MYH7B: variants seen among roughly 807,000 people sequenced by gnomAD.
The protein encoded by MYH7B is myosin-7B.
Under a neutral mutation model 234.5 loss-of-function variants are expected in MYH7B, and 205 were observed. The observed-to-expected ratio is 0.87, with a 90% CI of 0.78 to 0.98. The LOEUF (loss-of-function observed/expected upper bound fraction) is 0.98, where lower values mean the gene tolerates loss of function less well. Among genes scored for constraint, MYH7B ranks in the 50% least tolerant of loss-of-function variants. The pLI is 0.00. For synonymous variants in MYH7B, 1,193 were observed against 1,105.0 expected (o/e 1.08, Z -1.58); for missense variants, 2,652 against 2,633.4 (o/e 1.01, Z -0.15).
intron 28 of MYH7B, 35 bp from the exon 29 acceptor site, chr20:34,996,311 A>G: frequency 6.4e-7 from 1 of 1,552,102 alleles, no homozygotes; most frequent in Non-Finnish European, 8.7e-7. Flanking sequence ...AGTGCGGGGA[A>G]GGGCGTCCCC....
intron 32 of MYH7B, among the ~76,000 whole-genome samples, 176 bp from the exon 33 acceptor site, chr20:34,998,119 G>A (rs532706132): frequency 6.6e-6 from 1 of 152,296 alleles, no homozygotes; most frequent in African/African-American, 2.4e-5. Context: ...TCTGACACCT[G>A]TTAAGCCCAG....
intron 21 of MYH7B, 22 bp downstream of exon 21, chr20:34,990,168 C>G: frequency 6.2e-7 from 1 of 1,614,120 alleles, no homozygotes; most frequent in Non-Finnish European, 8.5e-7. Context: ...GGGACAAGAT[C>G]TCCACTCTGA....
intron 5 of MYH7B, among the ~76,000 whole-genome samples, chr20:34,978,990 AG>A (rs1480530765): frequency 2.6e-5 from 4 of 152,142 alleles, no homozygotes; most frequent in African/African-American, 9.7e-5. Flanking sequence ...TCAGTGAAAT[AG>A]GGAAGGCAGG....
chr20:34,964,516 A>G (rs1220215946), intron 2 of MYH7B, among the ~76,000 whole-genome samples: 1 of 152,174 alleles, frequency 6.6e-6, no homozygotes, highest in Non-Finnish European at 1.5e-5. Flanking sequence ...TGTCACCTTG[A>G]AACTAGTGAT....
intron 2 of MYH7B, among the ~76,000 whole-genome samples, chr20:34,960,398 C>G (rs1442944040): frequency 1.3e-5 from 2 of 152,004 alleles, no homozygotes; most frequent in East Asian, 1.9e-4. Flanking sequence ...ACCACGCCCG[C>G]CTAATTTTTT....
intron 15 of MYH7B, 32 bp downstream of exon 15, chr20:34,987,021 G>A: frequency 6.2e-7 from 1 of 1,610,826 alleles, no homozygotes; most frequent in African/African-American, 1.3e-5. Context: ...GAGCTGTGTG[G>A]ACGCCTGTGG....
chr20:34,986,204 G>C lies in MYH7B; in HGVS notation c.904+6G>C. 1 of 1,584,144 alleles carries C rather than the reference G, an allele frequency of 6.3e-7. No individual in the cohort carries two copies. Among genetic ancestry groups the C allele is most frequent in the Non-Finnish European group, 8.6e-7 (1 of 1,163,542 alleles). ...GAGGAAGCCAGAGCTGCAGGGTGAG[G>C]GGCAGTACGATGAAGGGGGTGGGAG... On this transcript the variant is annotated splice_donor_region_variant and intron_variant, in intron 14 of 44. Coordinates refer to ENST00000262873, the Ensembl canonical transcript of MYH7B.
chr20:34,993,721 C>G (rs2082201088), intron 26 of MYH7B, among the ~76,000 whole-genome samples: 1 of 152,230 alleles, frequency 6.6e-6, no homozygotes, highest in South Asian at 2.1e-4. Flanking sequence ...CAGTGTCTTC[C>G]AAGACTCTTG....
exon 45 of MYH7B, chr20:35,002,323 A>G: frequency 1.0e-6 from 1 of 974,332 alleles, no homozygotes; most frequent in East Asian, 2.7e-5. Context: ...TAAACACCAC[A>G]GCCAGTTTCC....
intron 2 of MYH7B, among the ~76,000 whole-genome samples, chr20:34,966,950 G>T (rs1034146315): frequency 6.6e-6 from 1 of 151,960 alleles, no homozygotes; most frequent in African/African-American, 2.4e-5. Context: ...AAAAAGGGAG[G>T]CTGAGCACGG....
intron 11 of MYH7B, 59 bp from the exon 12 acceptor site, chr20:34,984,795 C>A (rs2081990647): frequency 1.9e-6 from 3 of 1,595,906 alleles, no homozygotes; most frequent in Non-Finnish European, 2.6e-6. Context: ...ACGGGTGGCT[C>A]TGGCCTCCCG....
intron 35 of MYH7B, 65 bp downstream of exon 35, chr20:34,998,980 A>G: frequency 6.3e-7 from 1 of 1,583,520 alleles, no homozygotes; most frequent in Non-Finnish European, 8.6e-7. Context: ...AGCCCCGCTG[A>G]GGGTGGGTGA....
chr20:34,997,782 TC>T (rs1344736964), intron 32 of MYH7B, 142 bp downstream of exon 32: 13 of 1,062,890 alleles, frequency 1.2e-5, no homozygotes, highest in African/African-American at 1.6e-5. Context: ...AACCCTCATT[TC>T]TCAGCCTCCT....
intron 39 of MYH7B, 33 bp downstream of exon 39, chr20:35,000,722 T>A: frequency 6.2e-7 from 1 of 1,604,698 alleles, no homozygotes; most frequent in East Asian, 2.2e-5. Context: ...ACAGAGCAGG[T>A]GCAGGCCTGC....
At position 35,000,904 on chromosome 20, in the gene MYH7B, G is replaced by GA. The variant is rs1353041199; in HGVS notation, c.5304+11_5304+12insA. On this transcript the variant is annotated intron_variant, in intron 40 of 44. Transcript: ENST00000262873. ...AAGGCCATCACTGATGTGAGGCTGGGCAAGGGCTGTGGGGAGCCTGGGACA... is the reference window on the plus strand; with the variant it reads ...AAGGCCATCACTGATGTGAGGCTGGGACAAGGGCTGTGGGGAGCCTGGGACA... 3 of 1,064,094 alleles carry GA rather than the reference G, an allele frequency of 2.8e-6. No individual in the cohort carries two copies. Among genetic ancestry groups the GA allele is most frequent in the Non-Finnish European group, 3.8e-6 (3 of 783,208 alleles). The allele number at this position is 1,064,094 out of a possible 1,614,324, so 65.9% of individuals were successfully genotyped here.
At chr20:34,977,597 T>C (rs745913101) in intron 3 of MYH7B, 35 bp from the exon 4 acceptor site, 2 of 1,565,954 alleles carry the variant, frequency 1.3e-6, no homozygotes, top group East Asian at 2.3e-5. Flanking sequence ...CACGTGGAGA[T>C]TGCTGACATA....
chr20:34,998,266 G>T, intron 32 of MYH7B, 29 bp from the exon 33 acceptor site: 1 of 1,612,082 alleles, frequency 6.2e-7, no homozygotes, highest in South Asian at 1.1e-5. Context: ...TCTAACTCCT[G>T]ACCCCTGACT....
At chr20:34,991,485 G>A (rs76493237) in intron 24 of MYH7B, among the ~76,000 whole-genome samples, 1,889 of 152,300 alleles carry the variant, frequency 0.012, 30 homozygotes, top group African/African-American at 0.043. Flanking sequence ...ATTTGGAGGA[G>A]AGGTGAAGGG....
At chr20:34,983,921 G>A (rs2081977850) in intron 10 of MYH7B, among the ~76,000 whole-genome samples, 1 of 152,222 alleles carries the variant, frequency 6.6e-6, no homozygotes, top group Admixed American at 6.5e-5. Flanking sequence ...GAGTAGGGAA[G>A]AGAAGGAAAG....
Sources: gnomAD v4.1 joint callset for allele counts (sites outside exome capture counted in the v4.1 genomes callset) on GRCh38, gnomAD v4.1.1 for gene constraint, MANE v1.5 for transcripts, NCBI Gene and HGNC (gene_info 2026-07-23, HGNC 2026-07-21) for gene names.